DLEC1: variants seen among roughly 807,000 people sequenced by gnomAD.
DLEC1 encodes deleted in lung and esophageal cancer protein 1.
DLEC1 carries 146 observed loss-of-function variants against 198.1 expected under a neutral mutation model. The ratio of observed to expected loss-of-function variants is 0.74; its 90% CI spans 0.64 to 0.85. The LOEUF (loss-of-function observed/expected upper bound fraction) is 0.85. Ranked by LOEUF, DLEC1 falls within the 40% of genes least tolerant of loss-of-function variation. The pLI, the probability that DLEC1 is intolerant of heterozygous loss-of-function variation, is 0.00. For missense variants in DLEC1, 2,233 were observed against 2,220.0 expected, an observed-to-expected ratio of 1.01 and a Z score of -0.12; for synonymous variants, 897 against 866.8, an observed-to-expected ratio of 1.03 and a Z score of -0.61.
chr3:38,095,839 A>G, intron 13 of DLEC1, 49 bp from the exon 14 acceptor site: 7 of 1,610,890 alleles, frequency 4.3e-6, no homozygotes, highest in Non-Finnish European at 5.9e-6. Context: ...CTCCAGGACA[A>G]CCTGCTGGAA....
chr3:38,041,486 A>T (rs187848992), intron 1 of DLEC1, among the ~76,000 whole-genome samples: 1 of 152,308 alleles, frequency 6.6e-6, no homozygotes, highest in East Asian at 1.9e-4. Flanking sequence ...TTTAATTTAA[A>T]CATTTGAAGT....
At chr3:38,090,392 T>G (rs1469788285) in intron 10 of DLEC1, among the ~76,000 whole-genome samples, 1 of 152,214 alleles carries the variant, frequency 6.6e-6, no homozygotes, top group African/African-American at 2.4e-5. Context: ...CACACAAAGT[T>G]GCCCACTCTA....
At chr3:38,082,998 G>C (rs1698138884) in intron 6 of DLEC1, among the ~76,000 whole-genome samples, 1 of 152,062 alleles carries the variant, frequency 6.6e-6, no homozygotes, top group Non-Finnish European at 1.5e-5. Context: ...AAAATGAAAG[G>C]AATTGAAATT....
chr3:38,070,798 G>A (rs1385496973), intron 6 of DLEC1, among the ~76,000 whole-genome samples: 1 of 152,156 alleles, frequency 6.6e-6, no homozygotes, highest in African/African-American at 2.4e-5. Context: ...CTTCTTTTGT[G>A]GTGGAATGTC....
intron 2 of DLEC1, among the ~76,000 whole-genome samples, chr3:38,057,956 A>AC: frequency 6.6e-6 from 1 of 151,650 alleles, no homozygotes; most frequent in Non-Finnish European, 1.5e-5. Context: ...AGCTGGGACT[A>AC]TAGGCGCCCG....
At position 38,110,088 on chromosome 3, in the gene DLEC1, A is replaced by G. The variant is rs1362335226; in HGVS notation, c.3261-11A>G. On this transcript the variant is annotated splice_polypyrimidine_tract_variant and intron_variant, in intron 22 of 36. Coordinates refer to ENST00000308059, the MANE Select transcript of DLEC1 (RefSeq NM_007335.4). ...TACATAGTACCAATGGGCACAGGAC[A>G]GTGTTTTCAGCACAGAGCAGTGGCC... 8.1e-6 allele frequency: 13 copies of G among 1,613,320 alleles called. No individual in the cohort carries two copies. Among genetic ancestry groups the G allele is most frequent in the African/African-American group, 8.0e-5 (6 of 74,942 alleles).
intron 2 of DLEC1, 42 bp downstream of exon 2, chr3:38,045,735 C>T: frequency 6.4e-7 from 1 of 1,561,354 alleles, no homozygotes; most frequent in Non-Finnish European, 8.7e-7. Flanking sequence ...AATTCCCGGG[C>T]TGTTGATATT....
intron 2 of DLEC1, among the ~76,000 whole-genome samples, chr3:38,050,045 G>A (rs896319136): frequency 3.9e-5 from 6 of 152,004 alleles, no homozygotes; most frequent in Non-Finnish European, 8.8e-5. Context: ...TTGAGTGGCT[G>A]TGAGTTTGAA....
intron 6 of DLEC1, among the ~76,000 whole-genome samples, chr3:38,074,647 G>A (rs1166897095): frequency 6.6e-6 from 1 of 152,184 alleles, no homozygotes. Flanking sequence ...GATCCTCTTG[G>A]GGAACTGCTC....
At chr3:38,085,538 C>A in intron 8 of DLEC1, 91 bp downstream of exon 8, 2 of 1,504,062 alleles carry the variant, frequency 1.3e-6, no homozygotes, top group Non-Finnish European at 9.0e-7. Flanking sequence ...TTTGTATCAG[C>A]ACACAGCTTG....
chr3:38,059,812 TTAC>T lies in DLEC1; in HGVS notation c.637_639del (p.Tyr213del), dbSNP rs1391139418. 6.2e-7 allele frequency: 1 copy of T among 1,614,164 alleles called. No individual in the cohort carries two copies. The highest frequency in any genetic ancestry group is 8.5e-7 in the Non-Finnish European group (1 of 1,180,020). On this transcript the variant is annotated inframe_deletion, in exon 3 of 37. Coordinates refer to ENST00000308059, the MANE Select transcript of DLEC1 (RefSeq NM_007335.4). ...AACATCATTTGATCTCCCCAGAAGA[TTAC>T]TACACCGATACAGTGCCGTTTCACT...
chr3:38,122,918 GC>G lies in DLEC1; in HGVS notation c.*508del. 1 of 979,016 alleles carries G rather than the reference GC, an allele frequency of 1.0e-6. No homozygotes were observed. Among genetic ancestry groups the G allele is most frequent in the Non-Finnish European group, 1.6e-6 (1 of 642,910 alleles). 60.6% of individuals were successfully genotyped at this position (979,016 alleles called of 1,614,324 possible). On this transcript the variant is annotated 3_prime_UTR_variant, in exon 37 of 37. Coordinates refer to ENST00000308059, the MANE Select transcript of DLEC1 (RefSeq NM_007335.4). ...TCACATTTTCCAAATGAGTTGAAGT[GC>G]CTTGATCTGTCCACTGCCACCACCA... is the stretch of plus-strand genomic sequence containing the variant.
At chr3:38,097,316 G>A (rs751561802) in intron 16 of DLEC1, 41 bp downstream of exon 16, 1 of 1,553,910 alleles carries the variant, frequency 6.4e-7, no homozygotes, top group Admixed American at 1.9e-5. Flanking sequence ...CCTGCCTGGG[G>A]CTGGCTCAGG....
At position 38,084,455 on chromosome 3, in the gene DLEC1, AGTAGTAATAGTAGTGGTGGTGGTG is replaced by A. The variant is rs1698282159; in HGVS notation, c.1261+217_1261+240del. Among the ~76,000 whole-genome samples the A allele has an allele frequency of 2.8e-3, 3 of 1,062 alleles. 1 individual carries two copies. Among genetic ancestry groups the A allele is most frequent in the Non-Finnish European group, 6.0e-3 (2 of 336 alleles). The allele number at this position is 1,062 out of a possible 152,430, so 0.7% of individuals were successfully genotyped here. A position where few individuals can be genotyped will look rare whatever the true frequency, so the allele number is the denominator to read the frequency against. ...TAGTAGTGGTGGTGGTGGTGGTGGT[AGTAGTAATAGTAGTGGTGGTGGTG>A]GTAGTAGTGGTGGTAGTAGTAGTGG... On this transcript the variant is annotated intron_variant, in intron 7 of 36. Transcript: ENST00000308059.
At chr3:38,097,688 C>G (rs1383541475) in intron 17 of DLEC1, 51 bp downstream of exon 17, 2 of 1,613,460 alleles carry the variant, frequency 1.2e-6, no homozygotes, top group African/African-American at 2.7e-5. Flanking sequence ...GGTGGCAGGG[C>G]TGGGACACTG....
Position 38,095,955 on chromosome 3 carries a change from A to G in DLEC1, c.2171+9A>G, listed in dbSNP as rs1698994354. On this transcript the variant is annotated intron_variant, in intron 14 of 36. Coordinates refer to ENST00000308059, the MANE Select transcript of DLEC1 (RefSeq NM_007335.4). ...GTCCCAGAGCCTGTAAGGTGAGAGAAACTGGGCCCTGGATGAGAAGTGGGC... is the reference window on the plus strand; with the variant it reads ...GTCCCAGAGCCTGTAAGGTGAGAGAGACTGGGCCCTGGATGAGAAGTGGGC... 6.2e-7 allele frequency: 1 copy of G among 1,613,332 alleles called. No homozygotes were observed. The highest frequency in any genetic ancestry group is 2.2e-5 in the East Asian group (1 of 44,870).
chr3:38,039,443 A>G lies in DLEC1; in HGVS notation c.218A>G (p.Gln73Arg). Reference sequence around the variant, plus strand: ...CGCCTCACGCAGCTTGCGCTGGCGCAGCGTCCCGAGCCTCAGCTGCTTCGT... The same window carrying G: ...CGCCTCACGCAGCTTGCGCTGGCGCGGCGTCCCGAGCCTCAGCTGCTTCGT... ...PRRLTQLALA[Q>R]RPEPQLLRLR... Residue 73 changes from glutamine (Q) to arginine (R), a missense_variant, in exon 1 of 37, where the codon CAG (glutamine) becomes CGG (arginine). Gln to Arg is a conservative substitution (Grantham distance 43). Coordinates refer to ENST00000308059, the MANE Select transcript of DLEC1 (RefSeq NM_007335.4). 3 of 1,613,772 alleles carry G rather than the reference A, an allele frequency of 1.9e-6. No individual in the cohort carries two copies. The highest frequency in any genetic ancestry group is 2.2e-5 in the South Asian group (2 of 91,070).
Position 38,084,706 on chromosome 3 carries a change from C to T in DLEC1, c.1261+461C>T, listed in dbSNP as rs909500539. Among the ~76,000 whole-genome samples the T allele has an allele frequency of 7.3e-5, 11 of 151,654 alleles. No homozygotes were observed. In the South Asian group the frequency reaches 2.3e-3, roughly 32 times the overall value. On this transcript the variant is annotated intron_variant, in intron 7 of 36. Transcript: ENST00000308059. ...CCCGCCCTGAGTCTACAGCCTGGGC[C>T]TGGACTCCCCCCATCAGCAGTCCTT...
At chr3:38,054,775 T>A (rs1696266518) in intron 2 of DLEC1, among the ~76,000 whole-genome samples, 1 of 152,170 alleles carries the variant, frequency 6.6e-6, no homozygotes, top group African/African-American at 2.4e-5. Flanking sequence ...CTCTCTGGAT[T>A]TCCCCAGATT....
Sources: allele counts gnomAD v4.1 joint callset (sites outside exome capture counted in the v4.1 genomes callset), GRCh38; gene constraint gnomAD v4.1.1; transcripts MANE v1.5; gene names NCBI Gene and HGNC (gene_info 2026-07-23, HGNC 2026-07-21).